Variants in AGBL1 observed in about 807,000 individuals in gnomAD.
AGBL1 encodes AGBL carboxypeptidase 1.
A neutral mutation model predicts 118.9 loss-of-function variants in AGBL1; 130 were observed. The ratio of observed to expected loss-of-function variants is 1.09; its 90% CI spans 0.95 to 1.26. The LOEUF (loss-of-function observed/expected upper bound fraction) is 1.26. Ranked by LOEUF, AGBL1 falls within the 50% of genes most tolerant of loss-of-function variation. The pLI is 0.00. For synonymous variants in AGBL1, 555 were observed against 478.9 expected (o/e 1.16, Z -2.08); for missense variants, 1,584 against 1,298.1 (o/e 1.22, Z -3.38).
intron 24 of AGBL1, among the ~76,000 whole-genome samples, chr15:86,993,057 T>C (rs1488139621): frequency 6.6e-6 from 1 of 152,184 alleles, no homozygotes; most frequent in African/African-American, 2.4e-5. Flanking sequence ...TATTTGTCAT[T>C]TTTTTATTAT....
chr15:86,942,954 T>A (rs1418655231), intron 23 of AGBL1, among the ~76,000 whole-genome samples: 4 of 152,206 alleles, frequency 2.6e-5, no homozygotes, highest in African/African-American at 9.6e-5. Flanking sequence ...TGTTCTCACT[T>A]TTCACTGTAA....
chr15:86,156,880 C>T (rs1164967991), intron 4 of AGBL1, among the ~76,000 whole-genome samples: 1 of 150,286 alleles, frequency 6.7e-6, no homozygotes, highest in African/African-American at 2.5e-5. Flanking sequence ...GCCTCTGCCT[C>T]CTGGGTTCAA....
intron 24 of AGBL1, among the ~76,000 whole-genome samples, chr15:87,004,246 G>C (rs921007152): frequency 6.6e-6 from 1 of 152,026 alleles, no homozygotes; most frequent in African/African-American, 2.4e-5. Context: ...TCAGGAGCAG[G>C]TTGTTCAGTT....
intron 22 of AGBL1, among the ~76,000 whole-genome samples, chr15:86,773,767 G>A (rs2078214274): frequency 6.6e-6 from 1 of 151,846 alleles, no homozygotes; most frequent in South Asian, 2.1e-4. Context: ...CCACTAGTTG[G>A]CTCTGTATCC....
At chr15:86,508,143 C>T (rs531830395) in intron 18 of AGBL1, among the ~76,000 whole-genome samples, 13 of 151,506 alleles carry the variant, frequency 8.6e-5, no homozygotes, top group East Asian at 2.0e-4. Context: ...AGGATGATCT[C>T]GATCTCTTGA....
At chr15:86,926,121 C>T (rs1031469363) in intron 23 of AGBL1, among the ~76,000 whole-genome samples, 3 of 152,142 alleles carry the variant, frequency 2.0e-5, no homozygotes, top group South Asian at 2.1e-4. Flanking sequence ...CCTTTTCCCT[C>T]CACGTTCCTT....
intron 21 of AGBL1, among the ~76,000 whole-genome samples, chr15:86,671,807 C>A (rs1295420708): frequency 6.6e-6 from 1 of 152,160 alleles, no homozygotes; most frequent in Non-Finnish European, 1.5e-5. Context: ...CTCTCCACGT[C>A]CACTCATTTA....
intron 6 of AGBL1, among the ~76,000 whole-genome samples, chr15:86,225,804 A>C (rs2078352526): frequency 6.6e-6 from 1 of 152,118 alleles, no homozygotes; most frequent in Admixed American, 6.5e-5. Context: ...CTTTAATAAA[A>C]CTTTTAAATA....
intron 22 of AGBL1, among the ~76,000 whole-genome samples, chr15:86,905,491 A>G (rs1223302441): frequency 6.6e-6 from 1 of 152,208 alleles, no homozygotes; most frequent in African/African-American, 2.4e-5. Context: ...ACAAATCTAC[A>G]TGCATGCTCT....
chr15:86,467,758 G>A (rs2082425617), intron 18 of AGBL1, among the ~76,000 whole-genome samples: 1 of 152,152 alleles, frequency 6.6e-6, no homozygotes, highest in Non-Finnish European at 1.5e-5. Context: ...TCCTGGGTGA[G>A]GCGATGCCCC....
chr15:86,659,497 T>A (rs114138437), intron 21 of AGBL1, among the ~76,000 whole-genome samples: 2,569 of 152,258 alleles, frequency 0.017, 31 homozygotes, highest in East Asian at 0.075. Flanking sequence ...CTCTTCTGTC[T>A]ATAGCAACTG....
At position 86,619,419 on chromosome 15, in the gene AGBL1, A is replaced by G. The variant is rs78869580; in HGVS notation, c.2995-54854A>G. ...CTTTTAATGTCCTAAAACAAAATGA[A>G]AAGTTCAGTGGGAAATGATAAAGTT... On this transcript the variant is annotated intron_variant, in intron 21 of 22. Transcript: ENST00000614907. Among the ~76,000 whole-genome samples, 1,212 of 152,266 alleles carry G rather than the reference A, an allele frequency of 8.0e-3. 11 individuals carry two copies. The highest frequency in any genetic ancestry group is 0.027 in the African/African-American group (1,134 of 41,550).
intron 17 of AGBL1, among the ~76,000 whole-genome samples, chr15:86,306,666 T>C (rs898294380): frequency 2.6e-5 from 4 of 152,188 alleles, no homozygotes; most frequent in Non-Finnish European, 5.9e-5. Flanking sequence ...ATTTCCTTTC[T>C]TTTGAGTATA....
chr15:86,996,687 C>A (rs2701405), intron 24 of AGBL1, among the ~76,000 whole-genome samples: 78,578 of 152,018 alleles, frequency 0.52, 22,457 homozygotes, highest in South Asian at 0.71. Context: ...TTTCAGTAGG[C>A]TTTGGAATGA....
chr15:86,739,565 A>C (rs889627449), intron 22 of AGBL1, among the ~76,000 whole-genome samples: 11 of 151,734 alleles, frequency 7.2e-5, no homozygotes, highest in Admixed American at 6.6e-4. Flanking sequence ...ACAGGTGAAA[A>C]CCATGATTTG....
At chr15:86,948,506 GC>G (rs750885615) in intron 23 of AGBL1, among the ~76,000 whole-genome samples, 1 of 152,184 alleles carries the variant, frequency 6.6e-6, no homozygotes, top group Non-Finnish European at 1.5e-5. Context: ...GGACACTAGA[GC>G]CACTCATTTG....
chr15:86,950,396 T>TA (rs929946339), intron 23 of AGBL1, among the ~76,000 whole-genome samples: 10 of 150,676 alleles, frequency 6.6e-5, no homozygotes, highest in African/African-American at 2.4e-4. Context: ...AACCAAGAGT[T>TA]AAAAAAATAC....
rs759037335 is a variant in AGBL1 at position 86,554,402 on chromosome 15, A to C, written c.2859A>C (p.Thr953=). 1 of 1,587,798 alleles carries C rather than the reference A, an allele frequency of 6.3e-7. No homozygotes were observed. ...KILDKLAPAF[T]MSSCSFLVEK... ...TTGATAAGCTAGCACCAGCATTCAC[A>C]ATGAGCAGCTGCAGCTTTCTCGTGG... The change falls in exon 21 of 23, where the codon ACA becomes ACC. Residue 953 remains threonine (T), a synonymous_variant. Transcript: ENST00000614907.
intron 22 of AGBL1, among the ~76,000 whole-genome samples, chr15:86,870,329 T>C (rs1394227793): frequency 1.4e-5 from 2 of 144,198 alleles, no homozygotes; most frequent in Non-Finnish European, 3.1e-5. Flanking sequence ...GAAGGTCAAA[T>C]AATGAGTAAG....
Sources: gnomAD v4.1 joint callset for allele counts (sites outside exome capture counted in the v4.1 genomes callset) on GRCh38, gnomAD v4.1.1 for gene constraint, MANE v1.5 for transcripts, NCBI Gene and HGNC (gene_info 2026-07-23, HGNC 2026-07-21) for gene names.